Variants in DIAPH3 observed in about 807,000 individuals in gnomAD.
DIAPH3 encodes protein diaphanous homolog 3.
Under a neutral mutation model 144.3 loss-of-function variants are expected in DIAPH3, and 117 were observed. The observed-to-expected ratio is 0.81, with a 90% CI of 0.70 to 0.95. The LOEUF (loss-of-function observed/expected upper bound fraction) is 0.95, where lower values mean the gene tolerates loss of function less well. Ranked by LOEUF, DIAPH3 falls within the 40% of genes least tolerant of loss-of-function variation. DIAPH3 has a pLI of 0.00. For missense variants in DIAPH3, 1,421 were observed against 1,412.7 expected, an observed-to-expected ratio of 1.01 and a Z score of -0.09; for synonymous variants, 519 against 488.9, an observed-to-expected ratio of 1.06 and a Z score of -0.81.
chr13:60,043,553 G>A (rs2055844880), intron 4 of DIAPH3, among the ~76,000 whole-genome samples: 2 of 152,196 alleles, frequency 1.3e-5, no homozygotes, highest in Admixed American at 1.3e-4. Flanking sequence ...TGAAGACAGA[G>A]GCCAGATCAT....
At chr13:60,073,995 T>C (rs1199479214) in intron 4 of DIAPH3, among the ~76,000 whole-genome samples, 1 of 152,206 alleles carries the variant, frequency 6.6e-6, no homozygotes. Context: ...AGATTCTGTT[T>C]CTGCTAAGAA....
At chr13:59,969,880 A>C in intron 17 of DIAPH3, 64 bp downstream of exon 17, 1 of 1,013,616 alleles carries the variant, frequency 9.9e-7, no homozygotes, top group Non-Finnish European at 1.5e-6. Context: ...GAAAATTGAT[A>C]CATAAAAAGT....
At chr13:59,816,070 C>T (rs1024462293) in intron 24 of DIAPH3, among the ~76,000 whole-genome samples, 29 of 152,076 alleles carry the variant, frequency 1.9e-4, no homozygotes, top group Non-Finnish European at 3.8e-4. Flanking sequence ...AGAAATTTCA[C>T]AATTTTTTTT....
At chr13:59,994,670 G>A (rs1292867539) in intron 9 of DIAPH3, among the ~76,000 whole-genome samples, 8 of 151,862 alleles carry the variant, frequency 5.3e-5, no homozygotes, top group Non-Finnish European at 1.0e-4. Flanking sequence ...GCCTGATGAA[G>A]AAGTGAAGAA....
chr13:59,940,027 T>C (rs1393620207), intron 17 of DIAPH3, among the ~76,000 whole-genome samples: 1 of 152,070 alleles, frequency 6.6e-6, no homozygotes, highest in East Asian at 1.9e-4. Flanking sequence ...ATATTTAAAG[T>C]TAGGCTACTT....
chr13:59,924,722 A>C (rs1484713601), intron 18 of DIAPH3, 53 bp downstream of exon 18: 2 of 1,571,656 alleles, frequency 1.3e-6, no homozygotes, highest in East Asian at 2.3e-5. Flanking sequence ...AAATGAAATC[A>C]TTTAAAGAAA....
chr13:59,743,163 T>C (rs2036543850), intron 27 of DIAPH3, among the ~76,000 whole-genome samples: 2 of 152,310 alleles, frequency 1.3e-5, no homozygotes, highest in South Asian at 4.2e-4. Context: ...TATTTTTTGA[T>C]GATCTCTTTG....
At position 59,861,428 on chromosome 13, in the gene DIAPH3, G is replaced by T; in HGVS notation, c.2716C>A (p.Pro906Thr). 2 of 1,613,760 alleles carry T rather than the reference G, an allele frequency of 1.2e-6. No individual in the cohort carries two copies. Among genetic ancestry groups the T allele is most frequent in the Non-Finnish European group, 1.7e-6 (2 of 1,179,888 alleles). ...DILNFVDDLE[P>T]LDKASKVSVE... Reference sequence around the variant, plus strand: ...AAACCTTTACTAGCTTTGTCTAAAGGTTCCAAATCATCCACAAAATTCAGT... The same window carrying T: ...AAACCTTTACTAGCTTTGTCTAAAGTTTCCAAATCATCCACAAAATTCAGT... Residue 906 changes from proline (P) to threonine (T), a missense_variant, in exon 22 of 28, where the codon CCT becomes ACT. Pro to Thr is a conservative substitution (Grantham distance 38). Coordinates refer to ENST00000400324, the MANE Select transcript of DIAPH3 (RefSeq NM_001042517.2).
At chr13:59,756,380 T>A (rs2037259379) in intron 27 of DIAPH3, among the ~76,000 whole-genome samples, 1 of 149,272 alleles carries the variant, frequency 6.7e-6, no homozygotes, top group South Asian at 2.1e-4. Context: ...TACCTTTTCT[T>A]AAATAGATAC....
At chr13:59,735,599 G>T (rs1264281872) in intron 27 of DIAPH3, among the ~76,000 whole-genome samples, 1 of 152,024 alleles carries the variant, frequency 6.6e-6, no homozygotes, top group Non-Finnish European at 1.5e-5. Flanking sequence ...CATATATCAG[G>T]TGTCTATTTT....
intron 20 of DIAPH3, among the ~76,000 whole-genome samples, chr13:59,900,194 T>G (rs2046353858): frequency 6.6e-6 from 1 of 152,192 alleles, no homozygotes; most frequent in South Asian, 2.1e-4. Context: ...AAATGAGAGT[T>G]ATTTTATAAA....
At chr13:59,962,486 T>A (rs1193366046) in intron 17 of DIAPH3, among the ~76,000 whole-genome samples, 1 of 152,174 alleles carries the variant, frequency 6.6e-6, no homozygotes, top group Non-Finnish European at 1.5e-5. Context: ...TTAGCACCTT[T>A]AGAATCCTCC....
chr13:59,891,593 T>C (rs2140125908), intron 20 of DIAPH3, among the ~76,000 whole-genome samples: 1 of 152,194 alleles, frequency 6.6e-6, no homozygotes, highest in East Asian at 1.9e-4. Context: ...AAACGTACTT[T>C]GAATTAGCCA....
chr13:59,694,508 A>C (rs2033693057), intron 27 of DIAPH3, among the ~76,000 whole-genome samples: 1 of 152,178 alleles, frequency 6.6e-6, no homozygotes, highest in South Asian at 2.1e-4. Context: ...TACTTCAACA[A>C]CTTAAGAAGA....
intron 27 of DIAPH3, among the ~76,000 whole-genome samples, chr13:59,708,188 A>G (rs2034535542): frequency 6.6e-6 from 1 of 151,866 alleles, no homozygotes; most frequent in African/African-American, 2.4e-5. Context: ...TCAGCCTCCC[A>G]AGTAGCTGAG....
At chr13:59,903,980 T>G (rs1406078064) in intron 20 of DIAPH3, among the ~76,000 whole-genome samples, 1 of 152,214 alleles carries the variant, frequency 6.6e-6, no homozygotes, top group African/African-American at 2.4e-5. Context: ...AACACTTATA[T>G]TCCAGTATAA....
chr13:59,706,571 T>G (rs1468638907), intron 27 of DIAPH3, among the ~76,000 whole-genome samples: 2 of 152,228 alleles, frequency 1.3e-5, no homozygotes, highest in Admixed American at 1.3e-4. Context: ...GCTTAATGTA[T>G]ACTTTGTAAA....
chr13:59,677,646 T>G (rs2032717391), intron 27 of DIAPH3, among the ~76,000 whole-genome samples: 1 of 152,188 alleles, frequency 6.6e-6, no homozygotes, highest in Non-Finnish European at 1.5e-5. Flanking sequence ...TCTACTGTAC[T>G]GGACAGCACA....
intron 17 of DIAPH3, among the ~76,000 whole-genome samples, chr13:59,938,174 C>G (rs1172062157): frequency 6.6e-6 from 1 of 152,158 alleles, no homozygotes; most frequent in African/African-American, 2.4e-5. Flanking sequence ...GATCTGTGTT[C>G]TAGAATAAAC....
Sources: allele counts gnomAD v4.1 joint callset (sites outside exome capture counted in the v4.1 genomes callset), GRCh38; gene constraint gnomAD v4.1.1; transcripts MANE v1.5; gene names NCBI Gene and HGNC (gene_info 2026-07-23, HGNC 2026-07-21).